The following PCLO variants were observed in gnomAD, a reference collection of about 807,000 sequenced individuals.
PCLO encodes the protein protein piccolo.
PCLO carries 82 observed loss-of-function variants against 427.5 expected under a neutral mutation model. That is an observed-to-expected ratio of 0.19 (90% CI 0.16 to 0.23). The LOEUF (loss-of-function observed/expected upper bound fraction) is 0.23. Among genes scored for constraint, PCLO ranks in the 10% least tolerant of loss-of-function variants. The probability of loss-of-function intolerance (pLI) is 1.00; values close to 1 mark genes in which losing one functional copy is unlikely to be tolerated. For missense variants in PCLO, 6,239 were observed against 6,115.9 expected, an observed-to-expected ratio of 1.02 and a Z score of -0.67; for synonymous variants, 2,357 against 2,155.4, an observed-to-expected ratio of 1.09 and a Z score of -2.59.
At chr7:82,905,832 G>T (rs1054780082) in intron 8 of PCLO, among the ~76,000 whole-genome samples, 5 of 152,026 alleles carry the variant, frequency 3.3e-5, no homozygotes, top group African/African-American at 9.7e-5. Context: ...TGCAGAAAGT[G>T]AAGGGATTTT....
chr7:83,132,387 T>A (rs923401460), intron 3 of PCLO, among the ~76,000 whole-genome samples: 1 of 152,182 alleles, frequency 6.6e-6, no homozygotes, highest in African/African-American at 2.4e-5. Flanking sequence ...ACAATTTAGA[T>A]TTTCAAACTA....
rs778108792 is a variant in PCLO at position 82,794,459 on chromosome 7, C to CTTTTTTTTTTTTTTT, written c.15007+7044_15007+7058dup. 3.9e-3 allele frequency among the ~76,000 whole-genome samples: 217 copies of CTTTTTTTTTTTTTTT among 56,344 alleles called. 67 individuals are homozygous for CTTTTTTTTTTTTTTT. Among genetic ancestry groups the CTTTTTTTTTTTTTTT allele is most frequent in the East Asian group, 6.6e-3 (11 of 1,678 alleles). The allele number at this position is 56,344 out of a possible 152,430, so 37.0% of individuals were successfully genotyped here. A position where few individuals can be genotyped will look rare whatever the true frequency, so the allele number is the denominator to read the frequency against. On this transcript the variant is annotated intron_variant, in intron 22 of 24. Coordinates refer to ENST00000333891, the MANE Select transcript of PCLO (RefSeq NM_033026.6). ...ACATGCTAGTTCATAAATTTTTTTT[C>CTTTTTTTTTTTTTTT]TTTTTTTTTTTTTTTTTTTTTTTTT...
chr7:82,957,495 G>A (rs1413087589), intron 4 of PCLO, among the ~76,000 whole-genome samples: 7 of 152,120 alleles, frequency 4.6e-5, no homozygotes, highest in Non-Finnish European at 1.0e-4. Flanking sequence ...CTTGTCAAAT[G>A]ATTCAAACAA....
chr7:82,983,585 A>C (rs1296807324), intron 3 of PCLO, among the ~76,000 whole-genome samples: 1 of 149,716 alleles, frequency 6.7e-6, no homozygotes, highest in Non-Finnish European at 1.5e-5. Context: ...TATATTTTAT[A>C]ATTAGCCAAA....
chr7:83,034,329 C>T (rs116193317), intron 3 of PCLO, among the ~76,000 whole-genome samples: 2,944 of 152,222 alleles, frequency 0.019, 104 homozygotes, highest in African/African-American at 0.068. Flanking sequence ...GCTGGGAATA[C>T]AGGCATGCAC....
At chr7:82,758,835 G>C in intron 24 of PCLO, 120 bp from the exon 25 acceptor site, 2 of 583,436 alleles carry the variant, frequency 3.4e-6, no homozygotes, top group Non-Finnish European at 5.9e-6. Flanking sequence ...GGGTGACGCT[G>C]AGTAGAAGTA....
At chr7:83,075,833 T>C (rs1239141311) in intron 3 of PCLO, among the ~76,000 whole-genome samples, 10 of 152,140 alleles carry the variant, frequency 6.6e-5, no homozygotes, top group Admixed American at 6.6e-4. Flanking sequence ...TCTAAACACA[T>C]GTAATATGTC....
intron 6 of PCLO, among the ~76,000 whole-genome samples, chr7:82,938,343 T>C (rs182803923): frequency 6.6e-6 from 1 of 152,120 alleles, no homozygotes; most frequent in Admixed American, 6.6e-5. Context: ...CACATTGCTA[T>C]ACATGTATTT....
chr7:82,803,159 G>A (rs1791392376), intron 21 of PCLO, among the ~76,000 whole-genome samples: 2 of 152,038 alleles, frequency 1.3e-5, no homozygotes, highest in South Asian at 4.2e-4. Flanking sequence ...AAAGAACTCT[G>A]CTCTATCTGT....
chr7:83,038,061 ATATTTATATATTTATATATATATCTT>A (rs1788866014), intron 3 of PCLO, among the ~76,000 whole-genome samples: 3 of 44,950 alleles, frequency 6.7e-5, no homozygotes, highest in Admixed American at 4.8e-4. Context: ...CTTTATATAT[ATATTTATATATTTATATATATATCTT>A]TATATATATA....
At chr7:82,840,855 G>A (rs569910972) in intron 14 of PCLO, among the ~76,000 whole-genome samples, 1 of 151,760 alleles carries the variant, frequency 6.6e-6, no homozygotes, top group Non-Finnish European at 1.5e-5. Context: ...TATCACCTAA[G>A]GTGCAGGTTT....
In PCLO at chr7:82,952,377, G is replaced by A. The variant is rs1393942023; in HGVS notation, c.8576C>T (p.Thr2859Ile). 1 of 1,613,922 alleles carries A rather than the reference G, an allele frequency of 6.2e-7. No homozygotes were observed. Among genetic ancestry groups the A allele is most frequent in the Non-Finnish European group, 8.5e-7 (1 of 1,179,838 alleles). ...EEAPINLSLG[T>I]PAHAVTLAIT... ...AGCCAATGTCACTGCATGTGCTGGA[G>A]TACCTAGAGATAAGTTTATTGGTGC... Residue 2859 changes from threonine (T) to isoleucine (I), a missense_variant, in exon 5 of 25, where the codon ACT (threonine) becomes ATT (isoleucine). Thr to Ile is a moderately conservative substitution (Grantham distance 89). Coordinates refer to ENST00000333891, the MANE Select transcript of PCLO (RefSeq NM_033026.6).
chr7:82,879,044 T>C (rs924830546), intron 10 of PCLO, among the ~76,000 whole-genome samples: 1 of 152,202 alleles, frequency 6.6e-6, no homozygotes, highest in African/African-American at 2.4e-5. Context: ...TTATCACAGA[T>C]AACTAAAGTG....
At chr7:82,938,186 T>C (rs1032926722) in intron 6 of PCLO, among the ~76,000 whole-genome samples, 1 of 151,918 alleles carries the variant, frequency 6.6e-6, no homozygotes, top group African/African-American at 2.4e-5. Context: ...ACAGAAATGT[T>C]TAATTTGCTT....
intron 3 of PCLO, among the ~76,000 whole-genome samples, chr7:83,057,344 ATATATTTTTTTTTTTTTTT>A (rs1187466776): frequency 5.0e-5 from 1 of 19,952 alleles, no homozygotes; most frequent in African/African-American, 1.8e-4. Context: ...ATATATATAT[ATATATTTTTTTTTTTTTTT>A]TTTTTTTTTT....
At chr7:82,866,324 TATG>T (rs1793091649) in intron 10 of PCLO, among the ~76,000 whole-genome samples, 1 of 152,046 alleles carries the variant, frequency 6.6e-6, no homozygotes, top group South Asian at 2.1e-4. Context: ...TCGTCTAATA[TATG>T]ATACTTAATA....
At chr7:83,039,996 G>C (rs1332925466) in intron 3 of PCLO, among the ~76,000 whole-genome samples, 1 of 152,082 alleles carries the variant, frequency 6.6e-6, no homozygotes, top group East Asian at 1.9e-4. Flanking sequence ...AAATTAAACA[G>C]ATTTCAAAAA....
At chr7:82,930,155 A>G (rs997646954) in intron 6 of PCLO, among the ~76,000 whole-genome samples, 1 of 152,172 alleles carries the variant, frequency 6.6e-6, no homozygotes, top group African/African-American at 2.4e-5. Flanking sequence ...TGTAGTTCTA[A>G]GTACTAAGAA....
In PCLO at chr7:83,091,762, G is replaced by A. The variant is rs190078274; in HGVS notation, c.3300+42488C>T. 6.5e-4 allele frequency among the ~76,000 whole-genome samples: 99 copies of A among 152,180 alleles called. 3 individuals carry two copies. The East Asian group carries it at 0.014, about 22-fold the overall frequency. Reference sequence around the variant, plus strand: ...GTGTTTAAATCATGGAAGAAATAAGGTTTTATCCATACTAGTAAGCCAATA... The same window carrying A: ...GTGTTTAAATCATGGAAGAAATAAGATTTTATCCATACTAGTAAGCCAATA... On this transcript the variant is annotated intron_variant, in intron 3 of 24. Coordinates refer to ENST00000333891, the MANE Select transcript of PCLO (RefSeq NM_033026.6).
Sources: allele counts gnomAD v4.1 joint callset (sites outside exome capture counted in the v4.1 genomes callset), GRCh38; gene constraint gnomAD v4.1.1; transcripts MANE v1.5; gene names NCBI Gene and HGNC (gene_info 2026-07-23, HGNC 2026-07-21).